The following ITPRIP variants were observed in gnomAD, a reference collection of about 807,000 sequenced individuals.
ITPRIP encodes the protein inositol 1,4,5-trisphosphate receptor interacting protein, also known as inositol 1,4,5-trisphosphate receptor-interacting protein.
A neutral mutation model predicts 35.8 loss-of-function variants in ITPRIP; 32 were observed. The observed-to-expected ratio is 0.89, with a 90% CI of 0.68 to 1.20. ITPRIP has a LOEUF of 1.20. ITPRIP is among the 50% of genes most tolerant of loss of function. ITPRIP has a pLI of 0.00. For synonymous variants in ITPRIP, 358 were observed against 324.0 expected, an observed-to-expected ratio of 1.11 and a Z score of -1.13; for missense variants, 653 against 735.6, an observed-to-expected ratio of 0.89 and a Z score of 1.30.
rs951300488 is a variant in ITPRIP at position 104,313,226 on chromosome 10, G to A, written c.*1182C>T. 43 of 985,450 alleles carry A rather than the reference G, an allele frequency of 4.4e-5. No homozygotes were observed. Among genetic ancestry groups the A allele is most frequent in the Non-Finnish European group, 4.8e-5 (40 of 830,028 alleles). 61.0% of individuals were successfully genotyped at this position (985,450 alleles called of 1,614,324 possible). On this transcript the variant is annotated 3_prime_UTR_variant, in exon 2 of 2. Transcript: ENST00000337478. The stretch of plus-strand genomic sequence containing the variant: ...ATTGGGACCCTGAGGACAACCTGGG[G>A]CTATGACATCCTTGGCCCCTGATCT...
Position 104,315,545 on chromosome 10 carries a change from A to T in ITPRIP, c.507T>A (p.Asp169Glu). 2 of 1,614,190 alleles carry T rather than the reference A, an allele frequency of 1.2e-6. No individual in the cohort carries two copies. Among genetic ancestry groups the T allele is most frequent in the Non-Finnish European group, 1.7e-6 (2 of 1,180,028 alleles). ...RTREFLEGFVDDLLEALRSLC... is the reference protein window; with the variant it reads ...RTREFLEGFVEDLLEALRSLC... ...GGCTCCTCAGGGCTTCCAGCAAGTC[A>T]TCCACGAAGCCTTCCAGGAACTCCC... Residue 169 changes from aspartate to glutamate, a missense_variant, in exon 2 of 2, where the codon GAT becomes GAA. Asp to Glu is a conservative substitution (Grantham distance 45, BLOSUM62 2). Transcript: ENST00000337478. The surrounding 1 kb of genome is among the most constrained non-coding windows in gnomAD (Gnocchi z 5.7).
chr10:104,332,175 A>T (rs571040457), intron 1 of ITPRIP, among the ~76,000 whole-genome samples: 23 of 152,174 alleles, frequency 1.5e-4, no homozygotes, highest in Admixed American at 3.9e-4. Context: ...AGAAATAAAT[A>T]TGTGTAAACC....
chr10:104,330,780 T>C (rs1414888774), intron 1 of ITPRIP, among the ~76,000 whole-genome samples: 3 of 152,150 alleles, frequency 2.0e-5, no homozygotes, highest in African/African-American at 7.2e-5. Context: ...GGCACTTATC[T>C]CCATTTTACA....
intron 1 of ITPRIP, among the ~76,000 whole-genome samples, chr10:104,332,920 C>T (rs1318667547): frequency 6.6e-6 from 1 of 152,260 alleles, no homozygotes; most frequent in Non-Finnish European, 1.5e-5. Context: ...TCTCCATGTG[C>T]ATTTCATCAT....
chr10:104,322,161 C>T (rs1170791073), intron 1 of ITPRIP, among the ~76,000 whole-genome samples: 1 of 152,202 alleles, frequency 6.6e-6, no homozygotes, highest in Non-Finnish European at 1.5e-5. Flanking sequence ...CCTGCCCTCA[C>T]CTGTTGGGGA....
At chr10:104,327,852 T>G (rs1305388500) in intron 1 of ITPRIP, among the ~76,000 whole-genome samples, 1 of 152,178 alleles carries the variant, frequency 6.6e-6, no homozygotes, top group Non-Finnish European at 1.5e-5. Context: ...GGCAATGTGC[T>G]CAAGGTCACA....
intron 1 of ITPRIP, among the ~76,000 whole-genome samples, chr10:104,336,037 C>T (rs1345223143): frequency 6.6e-6 from 1 of 152,176 alleles, no homozygotes; most frequent in African/African-American, 2.4e-5. Flanking sequence ...AGGCACCTGG[C>T]TGAGGGGTGA....
chr10:104,322,648 G>C (rs2013883654), intron 1 of ITPRIP, among the ~76,000 whole-genome samples: 1 of 152,208 alleles, frequency 6.6e-6, no homozygotes, highest in Non-Finnish European at 1.5e-5. Flanking sequence ...CCACATCCTG[G>C]AAATTGCCAA....
rs1204246684 is a variant in ITPRIP at position 104,312,053 on chromosome 10, AG to A, written c.*2354del. 1.3e-5 allele frequency: 2 copies of A among 152,248 alleles called. No homozygotes were observed. The highest frequency in any genetic ancestry group is 2.9e-5 in the Non-Finnish European group (2 of 68,040). The allele number at this position is 152,248 out of a possible 1,614,324, so 9.4% of individuals were successfully genotyped here. ...GAGTGAAAGCTTCTGCTTTGTCAAT[AG>A]GAAATCCACCCCCCTGTCCCCAACT... On this transcript the variant is annotated 3_prime_UTR_variant, in exon 2 of 2. Coordinates refer to ENST00000337478, the MANE Select transcript of ITPRIP (RefSeq NM_001272013.2).
At chr10:104,321,890 C>G (rs958290714) in intron 1 of ITPRIP, among the ~76,000 whole-genome samples, 12 of 152,058 alleles carry the variant, frequency 7.9e-5, no homozygotes, top group African/African-American at 2.7e-4. Flanking sequence ...AGTTTTTCCA[C>G]TGTGCTACAT....
intron 1 of ITPRIP, among the ~76,000 whole-genome samples, chr10:104,317,656 G>A (rs940875190): frequency 6.6e-6 from 1 of 152,166 alleles, no homozygotes; most frequent in Non-Finnish European, 1.5e-5. Flanking sequence ...AGAGCACAGG[G>A]CTCCTTCTAC....
Position 104,333,054 on chromosome 10 carries a change from G to C in ITPRIP, c.-14+5192C>G, listed in dbSNP as rs530226890. On this transcript the variant is annotated intron_variant, in intron 1 of 1. Transcript: ENST00000337478. The surrounding 1 kb of genome is among the most constrained non-coding windows in gnomAD (Gnocchi z 4.1). ...ATCCTATTTCTCACTCTCTTTTGTG[G>C]GGAGGCTGAAGAATGGAAAGTCACT... 6.6e-6 allele frequency among the ~76,000 whole-genome samples: 1 copy of C among 152,202 alleles called. No individual in the cohort carries two copies. The highest frequency in any genetic ancestry group is 2.4e-5 in the African/African-American group (1 of 41,446).
In ITPRIP at chr10:104,333,011, C is replaced by T. The variant is rs1298498682; in HGVS notation, c.-14+5235G>A. 1.3e-5 allele frequency among the ~76,000 whole-genome samples: 2 copies of T among 152,202 alleles called. No homozygotes were observed. The highest frequency in any genetic ancestry group is 2.9e-5 in the Non-Finnish European group (2 of 68,022). On this transcript the variant is annotated intron_variant, in intron 1 of 1. Transcript: ENST00000337478. This position sits in a 1 kb window ranked among gnomAD's most constrained non-coding sequence, Gnocchi z 4.1. Reference sequence around the variant, plus strand: ...ATGGCTGCTCGATCAATGAAGCCCCCGTAATAAGGATGTGAGCATCCTATT... The same window carrying T: ...ATGGCTGCTCGATCAATGAAGCCCCTGTAATAAGGATGTGAGCATCCTATT...
intron 1 of ITPRIP, among the ~76,000 whole-genome samples, chr10:104,316,952 G>A (rs1303189441): frequency 2.0e-5 from 3 of 152,206 alleles, no homozygotes; most frequent in African/African-American, 7.2e-5. Context: ...CAAGGGGAAA[G>A]CAATAGTATC....
At position 104,314,617 on chromosome 10, in the gene ITPRIP, T is replaced by G; in HGVS notation, c.1435A>C (p.Ile479Leu). Residue 479 changes from isoleucine (I) to leucine (L), a missense_variant, in exon 2 of 2, where the codon ATC becomes CTC. Ile to Leu is a conservative substitution (Grantham distance 5). Coordinates refer to ENST00000337478, the MANE Select transcript of ITPRIP (RefSeq NM_001272013.2). ...GCCTCAGGCACCTTGCGGTTGCCGA[T>G]GAAGAAGTGGTGGAGCTTCTTCTGG... is the stretch of plus-strand genomic sequence containing the variant. Reference protein sequence around the residue: ...LLQKKLHHFFIGNRKVPEAMG... With the variant: ...LLQKKLHHFFLGNRKVPEAMG... The G allele has an allele frequency of 6.2e-7, 1 of 1,614,142 alleles. No individual in the cohort carries two copies. Among genetic ancestry groups the G allele is most frequent in the Non-Finnish European group, 8.5e-7 (1 of 1,180,022 alleles).
intron 1 of ITPRIP, among the ~76,000 whole-genome samples, chr10:104,332,720 C>T (rs943216502): frequency 6.6e-6 from 1 of 152,220 alleles, no homozygotes; most frequent in East Asian, 1.9e-4. Context: ...CCATGGCTGC[C>T]CCCTCTGACT....
chr10:104,333,582 G>A lies in ITPRIP; in HGVS notation c.-14+4664C>T, dbSNP rs952561924. 1 of 152,196 alleles carries A rather than the reference G, an allele frequency of 6.6e-6. No individual in the cohort carries two copies. Among genetic ancestry groups the A allele is most frequent in the Non-Finnish European group, 1.5e-5 (1 of 68,096 alleles). 9.4% of individuals were successfully genotyped at this position (152,196 alleles called of 1,614,324 possible). ...TGAGGAGGGGTCTACAGGCCTCTGG[G>A]GCACTCCCAAATGACCCCTTTCCTC... On this transcript the variant is annotated intron_variant, in intron 1 of 1. Transcript: ENST00000337478. The surrounding 1 kb of genome is among the most constrained non-coding windows in gnomAD (Gnocchi z 4.1).
At chr10:104,325,474 A>G (rs908624282) in intron 1 of ITPRIP, among the ~76,000 whole-genome samples, 3 of 152,232 alleles carry the variant, frequency 2.0e-5, no homozygotes, top group African/African-American at 7.2e-5. Flanking sequence ...CAGCAGCCAC[A>G]TTCGGAATAA....
intron 1 of ITPRIP, among the ~76,000 whole-genome samples, chr10:104,322,486 C>T (rs1383627917): frequency 5.3e-5 from 8 of 152,342 alleles, no homozygotes; most frequent in Admixed American, 4.6e-4. Context: ...ACCTGAAACC[C>T]GCTGATCAGA....
Sources: gnomAD v4.1 joint callset for allele counts (sites outside exome capture counted in the v4.1 genomes callset) on GRCh38, gnomAD v4.1.1 for gene constraint, Gnocchi (gnomAD v3.1) non-coding constraint, MANE v1.5 for transcripts, NCBI Gene and HGNC (gene_info 2026-07-23, HGNC 2026-07-21) for gene names.